NUP43: variants seen among roughly 807,000 people sequenced by gnomAD.
NUP43 encodes the protein nucleoporin Nup43.
Under a neutral mutation model 47.3 loss-of-function variants are expected in NUP43, and 32 were observed. The ratio of observed to expected loss-of-function variants is 0.68; its 90% CI spans 0.51 to 0.91. The LOEUF is 0.91. Among genes scored for constraint, NUP43 ranks in the 40% least tolerant of loss-of-function variants. NUP43 has a pLI of 0.00. For missense variants in NUP43, 444 were observed against 453.9 expected (o/e 0.98, Z 0.20); for synonymous variants, 147 against 158.4 (o/e 0.93, Z 0.54).
At position 149,725,763 on chromosome 6, in the gene NUP43, T is replaced by C. The variant is rs1784769950; in HGVS notation, c.*1206A>G. 1 of 152,154 alleles carries C rather than the reference T, an allele frequency of 6.6e-6. No homozygotes were observed. Among genetic ancestry groups the C allele is most frequent in the Non-Finnish European group, 1.5e-5 (1 of 68,036 alleles). 9.4% of individuals were successfully genotyped at this position (152,154 alleles called of 1,614,324 possible). ...AATCTAACAAAGTTTGGAAAGATAGTATCATTAAATTATCTTAAAACACTA... is the reference window on the plus strand; with the variant it reads ...AATCTAACAAAGTTTGGAAAGATAGCATCATTAAATTATCTTAAAACACTA... On this transcript the variant is annotated 3_prime_UTR_variant, in exon 8 of 8. Coordinates refer to ENST00000340413, the MANE Select transcript of NUP43 (RefSeq NM_198887.3).
intron 4 of NUP43, among the ~76,000 whole-genome samples, chr6:149,739,216 G>C (rs1785518616): frequency 6.6e-6 from 1 of 152,064 alleles, no homozygotes; most frequent in African/African-American, 2.4e-5. Context: ...GACCTCAGGT[G>C]ATCCACCAGC....
At chr6:149,739,071 C>G (rs1785512637) in intron 4 of NUP43, among the ~76,000 whole-genome samples, 1 of 151,660 alleles carries the variant, frequency 6.6e-6, no homozygotes, top group African/African-American at 2.4e-5. Flanking sequence ...ATCTCCACCT[C>G]TCGGATTCAA....
At chr6:149,744,155 A>G (rs1785831717) in intron 2 of NUP43, among the ~76,000 whole-genome samples, 2 of 152,156 alleles carry the variant, frequency 1.3e-5, no homozygotes. Context: ...TGGAGGTTGC[A>G]GTGAGCCAAG....
chr6:149,746,003 C>T lies in NUP43; in HGVS notation c.180G>A (p.Gly60=). ...GDFGNLDSDG[G]FEGDHQLLCD... is the part of the protein sequence containing the mutation. ...ACAATAACTGATGGTCTCCTTCAAA[C>T]CCTCCATCAGAGTCCAAGTTTCCAA... The change falls in exon 2 of 8, where the codon GGG becomes GGA. Residue 60 remains glycine (G), a synonymous_variant. Coordinates refer to ENST00000340413, the MANE Select transcript of NUP43 (RefSeq NM_198887.3). The T allele has an allele frequency of 6.2e-7, 1 of 1,612,874 alleles. No individual in the cohort carries two copies. Among genetic ancestry groups the T allele is most frequent in the Non-Finnish European group, 8.5e-7 (1 of 1,178,922 alleles).
rs928150546 is a variant in NUP43, at chr6:149,730,777, A to T, written c.913+836T>A. ...GAGAGCTCATCTCTACAAAAAAATTAAAAAAAAAAAATTAGCTGGTTGTGG... is the reference window on the plus strand; with the variant it reads ...GAGAGCTCATCTCTACAAAAAAATTTAAAAAAAAAAATTAGCTGGTTGTGG... On this transcript the variant is annotated intron_variant, in intron 7 of 7. Transcript: ENST00000340413. Among the ~76,000 whole-genome samples the T allele has an allele frequency of 1.0e-4, 15 of 145,262 alleles. No individual in the cohort carries two copies. In the Middle Eastern group the frequency reaches 0.018, roughly 170 times the overall value.
chr6:149,730,882 G>A (rs1243275224), intron 7 of NUP43, among the ~76,000 whole-genome samples: 1 of 151,892 alleles, frequency 6.6e-6, no homozygotes, highest in South Asian at 2.1e-4. Flanking sequence ...AGGATGTAGC[G>A]AGCTGTGATC....
intron 7 of NUP43, chr6:149,727,738 G>A: frequency 3.1e-6 from 3 of 981,872 alleles, no homozygotes; most frequent in Non-Finnish European, 2.4e-6. Flanking sequence ...TTAGATAAAT[G>A]TTCTTACAAG....
chr6:149,743,845 GAAATAAAATGTGTTAATGA>G, intron 2 of NUP43, 130 bp from the exon 3 acceptor site: 4 of 571,996 alleles, frequency 7.0e-6, no homozygotes, highest in Non-Finnish European at 1.2e-5. Context: ...GAGTGCTAAG[GAAATAAAATGTGTTAATGA>G]AGCTGAAAGG....
chr6:149,746,007 C>G lies in NUP43; in HGVS notation c.176G>C (p.Gly59Ala), dbSNP rs1233551402. 5 of 1,613,302 alleles carry G rather than the reference C, an allele frequency of 3.1e-6. No homozygotes were observed. Among genetic ancestry groups the G allele is most frequent in the African/African-American group, 1.3e-5 (1 of 74,900 alleles). ...IGDFGNLDSDGGFEGDHQLLC... is the reference protein window; with the variant it reads ...IGDFGNLDSDAGFEGDHQLLC... ...TAACTGATGGTCTCCTTCAAACCCT[C>G]CATCAGAGTCCAAGTTTCCAAAATC... is the stretch of plus-strand genomic sequence containing the variant. Residue 59 changes from glycine (G) to alanine (A), a missense_variant, in exon 2 of 8, where the codon GGA becomes GCA. Coordinates refer to ENST00000340413, the MANE Select transcript of NUP43 (RefSeq NM_198887.3).
intron 5 of NUP43, among the ~76,000 whole-genome samples, chr6:149,737,905 G>A (rs1298697169): frequency 6.6e-6 from 1 of 152,022 alleles, no homozygotes; most frequent in African/African-American, 2.4e-5. Flanking sequence ...TGGCCAGGCT[G>A]GTATTGAACT....
At chr6:149,732,923 A>C in intron 6 of NUP43, among the ~76,000 whole-genome samples, 1 of 151,922 alleles carries the variant, frequency 6.6e-6, no homozygotes, top group East Asian at 1.9e-4. Context: ...TTTTATTTTT[A>C]TTTTTTTAAA....
At position 149,731,607 on chromosome 6, in the gene NUP43, T is replaced by A; in HGVS notation, c.913+6A>T. On this transcript the variant is annotated splice_donor_region_variant and intron_variant, in intron 7 of 7. Coordinates refer to ENST00000340413, the MANE Select transcript of NUP43 (RefSeq NM_198887.3). ...ACACATAACAGTATTCATTAAAAAGTTTTACCTTGGTGAAAGAGTGACGAC... is the reference window on the plus strand; with the variant it reads ...ACACATAACAGTATTCATTAAAAAGATTTACCTTGGTGAAAGAGTGACGAC... 1 of 1,607,648 alleles carries A rather than the reference T, an allele frequency of 6.2e-7. No homozygotes were observed. The highest frequency in any genetic ancestry group is 1.3e-5 in the African/African-American group (1 of 74,222).
In NUP43 at chr6:149,746,082, G is replaced by T. The variant is rs749309994; in HGVS notation, c.121-20C>A. On this transcript the variant is annotated intron_variant, in intron 1 of 7. Coordinates refer to ENST00000340413, the MANE Select transcript of NUP43 (RefSeq NM_198887.3). ...ATTTTCCTGTAAAACAGAAAGTTTT[G>T]TCTTGAGATGACATAAACGTCAACT... The T allele has an allele frequency of 1.2e-6, 2 of 1,606,324 alleles. No homozygotes were observed. The highest frequency in any genetic ancestry group is 1.7e-6 in the Non-Finnish European group (2 of 1,178,336).
intron 7 of NUP43, chr6:149,728,104 C>T (rs1784872919): frequency 1.0e-6 from 1 of 985,234 alleles, no homozygotes; most frequent in African/African-American, 1.7e-5. Context: ...TTCCTTGAAC[C>T]CTCAGCACTT....
chr6:149,731,569 A>G lies in NUP43; in HGVS notation c.913+44T>C, dbSNP rs557751077. ...TAGAGTGAGACTCTGTCTTAAAAAA[A>G]AAAAAAAAAAGTACACATAACAGTA... On this transcript the variant is annotated intron_variant, in intron 7 of 7. Coordinates refer to ENST00000340413, the MANE Select transcript of NUP43 (RefSeq NM_198887.3). 12 of 1,530,772 alleles carry G rather than the reference A, an allele frequency of 7.8e-6. No homozygotes were observed. The South Asian group carries it at 1.0e-4, about 13-fold the overall frequency. The allele number at this position is 1,530,772 out of a possible 1,614,324, so 94.8% of individuals were successfully genotyped here.
At chr6:149,731,916 C>T (rs1167641313) in intron 6 of NUP43, among the ~76,000 whole-genome samples, 181 bp from the exon 7 acceptor site, 9 of 152,098 alleles carry the variant, frequency 5.9e-5, no homozygotes, top group Non-Finnish European at 1.3e-4. Context: ...TTTCCAATGG[C>T]TATAACACAT....
chr6:149,745,244 C>CA (rs1785910643), intron 2 of NUP43, among the ~76,000 whole-genome samples: 1 of 150,970 alleles, frequency 6.6e-6, no homozygotes, highest in Non-Finnish European at 1.5e-5. Context: ...ATTAAAAATA[C>CA]AAAAAATTAG....
At chr6:149,733,418 A>C (rs947585006) in intron 6 of NUP43, among the ~76,000 whole-genome samples, 1 of 152,158 alleles carries the variant, frequency 6.6e-6, no homozygotes, top group Non-Finnish European at 1.5e-5. Flanking sequence ...GTCAGTGACA[A>C]ACTTCTACAT....
rs1323512094 is a variant in NUP43, at chr6:149,725,365, AG to A, written c.*1603del. The A allele has an allele frequency of 6.6e-6, 1 of 152,198 alleles. No individual in the cohort carries two copies. The highest frequency in any genetic ancestry group is 2.4e-5 in the African/African-American group (1 of 41,444). 9.4% of individuals were successfully genotyped at this position (152,198 alleles called of 1,614,324 possible). On this transcript the variant is annotated 3_prime_UTR_variant, in exon 8 of 8. Coordinates refer to ENST00000340413, the MANE Select transcript of NUP43 (RefSeq NM_198887.3). ...TCCCAGCATTTTGGGAGGCTGAGGC[AG>A]GTGGATCATGAGGTCAGTTCAAGAC...
Sources: allele counts gnomAD v4.1 joint callset (sites outside exome capture counted in the v4.1 genomes callset), GRCh38; gene constraint gnomAD v4.1.1; transcripts MANE v1.5; gene names NCBI Gene and HGNC (gene_info 2026-07-23, HGNC 2026-07-21).